Variants in NRG1 observed in about 807,000 individuals in gnomAD.
The protein encoded by NRG1 is pro-neuregulin-1, membrane-bound isoform.
A neutral mutation model predicts 63.8 loss-of-function variants in NRG1; 18 were observed. The observed-to-expected ratio is 0.28, with a 90% CI of 0.19 to 0.42. The LOEUF is 0.42. Among genes scored for constraint, NRG1 ranks in the 10% least tolerant of loss-of-function variants. NRG1 has a pLI of 1.00. For missense variants in NRG1, 762 were observed against 814.7 expected (o/e 0.94, Z 0.79); for synonymous variants, 302 against 301.3 (o/e 1.00, Z -0.02).
At chr8:31,956,561 T>G (rs969143621) in intron 1 of NRG1, among the ~76,000 whole-genome samples, 16 of 152,136 alleles carry the variant, frequency 1.1e-4, no homozygotes, top group African/African-American at 3.9e-4. Flanking sequence ...GAGGCGGAGC[T>G]TGCAGTGAGC....
intron 1 of NRG1, among the ~76,000 whole-genome samples, chr8:32,018,947 T>C (rs1816009401): frequency 6.6e-6 from 1 of 152,254 alleles, no homozygotes; most frequent in Non-Finnish European, 1.5e-5. Flanking sequence ...TGGTATCATA[T>C]TGTGGTTTTT....
At chr8:31,945,483 G>A (rs1312297517) in intron 1 of NRG1, among the ~76,000 whole-genome samples, 2 of 152,192 alleles carry the variant, frequency 1.3e-5, no homozygotes, top group Non-Finnish European at 2.9e-5. Context: ...ACCAAAAACA[G>A]TATTCCAGGT....
At chr8:31,969,677 G>A (rs1363508295) in intron 1 of NRG1, among the ~76,000 whole-genome samples, 1 of 152,050 alleles carries the variant, frequency 6.6e-6, no homozygotes, top group Admixed American at 6.5e-5. Flanking sequence ...TCCATTCTCT[G>A]GTTTTTCTCT....
In NRG1 at chr8:32,475,706, T is replaced by C. The variant is rs1394611163; in HGVS notation, c.38-120122T>C. 2.2e-4 allele frequency among the ~76,000 whole-genome samples: 33 copies of C among 152,008 alleles called. 1 individual carries two copies. The highest frequency in any genetic ancestry group is 2.2e-3 in the Admixed American group (33 of 15,252). ...GACTACAGGCAAATGCCACCATGCC[T>C]AGCCTGTGCCTGTTTTCTTAAGGCA... On this transcript the variant is annotated intron_variant, in intron 1 of 10. Coordinates refer to the NRG1 transcript ENST00000519301.
rs148350929 is a variant in NRG1, at chr8:32,605,587, G to A, written c.304G>A (p.Ala102Thr). The change falls in exon 3 of 12, where the codon GCA becomes ACA. Residue 102 changes from alanine (A) to threonine (T), a missense_variant. Ala to Thr is a moderately conservative substitution (Grantham distance 58). Around this residue, in one of 3 missense-constraint regions of NRG1, gnomAD observed 122 missense variants for 190.1 expected, o/e 0.64. Coordinates refer to ENST00000356819, the Ensembl canonical transcript of NRG1. ...GAAGTCAGAACTTCGCATTAACAAA[G>A]CATCACTGGCTGATTCTGGAGAGTA... 1.1e-4 allele frequency: 170 copies of A among 1,613,358 alleles called. No homozygotes were observed. In the African/African-American group the frequency reaches 2.1e-3, roughly 20 times the overall value.
chr8:32,741,810 G>A (rs988163668), intron 6 of NRG1, among the ~76,000 whole-genome samples, 198 bp from the exon 7 acceptor site: 5 of 152,106 alleles, frequency 3.3e-5, no homozygotes, highest in African/African-American at 1.2e-4. Flanking sequence ...GAAGACTGAA[G>A]CAAACAACAA....
At chr8:32,202,980 C>T (rs1031258951) in intron 1 of NRG1, among the ~76,000 whole-genome samples, 7 of 151,754 alleles carry the variant, frequency 4.6e-5, no homozygotes, top group African/African-American at 1.5e-4. Context: ...ACTCTTTTGC[C>T]TCCTGTCCAT....
At chr8:32,378,635 A>G (rs1425848594) in intron 1 of NRG1, among the ~76,000 whole-genome samples, 1 of 152,120 alleles carries the variant, frequency 6.6e-6, no homozygotes, top group African/African-American at 2.4e-5. Flanking sequence ...TTTTTTTTAT[A>G]TACTTTAAGT....
chr8:32,249,198 C>G (rs1050887674), intron 1 of NRG1, among the ~76,000 whole-genome samples: 1 of 152,056 alleles, frequency 6.6e-6, no homozygotes, highest in Non-Finnish European at 1.5e-5. Flanking sequence ...CTGCCTTCAG[C>G]CTCCTGAGTA....
At chr8:32,465,519 C>T (rs928858336) in intron 1 of NRG1, among the ~76,000 whole-genome samples, 12 of 151,986 alleles carry the variant, frequency 7.9e-5, no homozygotes, top group Admixed American at 7.2e-4. Flanking sequence ...TAGTGAGAGT[C>T]CTAAAGTCAA....
chr8:31,864,176 T>C (rs1828732215), intron 1 of NRG1, among the ~76,000 whole-genome samples: 1 of 152,222 alleles, frequency 6.6e-6, no homozygotes, highest in Non-Finnish European at 1.5e-5. Flanking sequence ...TGTTTATTAA[T>C]TCATGAATTC....
intron 1 of NRG1, among the ~76,000 whole-genome samples, chr8:31,857,508 T>C (rs1224936147): frequency 1.3e-5 from 2 of 152,184 alleles, no homozygotes; most frequent in Non-Finnish European, 2.9e-5. Flanking sequence ...CTGCGCCCAC[T>C]GTCTGGCACT....
intron 1 of NRG1, among the ~76,000 whole-genome samples, chr8:31,674,819 C>A (rs1807514197): frequency 6.6e-6 from 1 of 152,204 alleles, no homozygotes. Flanking sequence ...TTCGTAGCAT[C>A]CTTTCTTCAC....
At chr8:31,888,458 A>C (rs1014265072) in intron 1 of NRG1, among the ~76,000 whole-genome samples, 2 of 152,098 alleles carry the variant, frequency 1.3e-5, no homozygotes, top group African/African-American at 4.8e-5. Context: ...AAAGAAAGTC[A>C]AGCCAGCAAT....
At position 32,048,434 on chromosome 8, in the gene NRG1, CATATATACATACAT is replaced by C. The variant is rs1182170486; in HGVS notation, c.37+409011_37+409024del. Among the ~76,000 whole-genome samples, 439 of 73,084 alleles carry C rather than the reference CATATATACATACAT, an allele frequency of 6.0e-3. 9 individuals are homozygous for C. Among genetic ancestry groups the C allele is most frequent in the African/African-American group, 0.022 (415 of 19,176 alleles). 47.9% of individuals were successfully genotyped at this position (73,084 alleles called of 152,430 possible). A position where few individuals can be genotyped will look rare whatever the true frequency, so the allele number is the denominator to read the frequency against. ...GAATATATGTACATGCATATGTACA[CATATATACATACAT>C]ATATATATATATATATATATATATA... On this transcript the variant is annotated intron_variant, in intron 1 of 10. Transcript: ENST00000519301.
At chr8:32,335,083 A>G (rs1803093756) in intron 1 of NRG1, among the ~76,000 whole-genome samples, 1 of 152,180 alleles carries the variant, frequency 6.6e-6, no homozygotes. Flanking sequence ...TATATAATTT[A>G]TATATTATAC....
chr8:32,448,503 G>A (rs1003766669), intron 1 of NRG1, among the ~76,000 whole-genome samples: 2 of 152,130 alleles, frequency 1.3e-5, no homozygotes, highest in Non-Finnish European at 2.9e-5. Flanking sequence ...GCTGGCCCGA[G>A]TCTGGGAGGA....
chr8:32,619,860 T>C (rs1408370490), intron 5 of NRG1, among the ~76,000 whole-genome samples: 1 of 152,194 alleles, frequency 6.6e-6, no homozygotes, highest in Non-Finnish European at 1.5e-5. Context: ...GCGGGTACAT[T>C]GGCAGGTTTA....
chr8:32,062,417 A>G (rs989798074), intron 1 of NRG1, among the ~76,000 whole-genome samples: 6 of 152,022 alleles, frequency 3.9e-5, no homozygotes, highest in African/African-American at 1.2e-4. Context: ...AGTTTTGTTT[A>G]GCTTTATACA....
Sources: allele counts gnomAD v4.1 joint callset (sites outside exome capture counted in the v4.1 genomes callset), GRCh38; gene constraint gnomAD v4.1.1; regional missense constraint gnomAD v4.1.1; transcripts MANE v1.5; gene names NCBI Gene and HGNC (gene_info 2026-07-23, HGNC 2026-07-21).